MTUS2: variants seen among roughly 807,000 people sequenced by gnomAD.
MTUS2 encodes microtubule associated scaffold protein 2.
In MTUS2, 40 loss-of-function variants were observed where a neutral mutation model predicts 114.1. That is an observed-to-expected ratio of 0.35 (90% CI 0.27 to 0.46). The LOEUF is 0.46. MTUS2 is among the 20% of genes least tolerant of loss of function. MTUS2 has a pLI of 1.00. For synonymous variants in MTUS2, 688 were observed against 672.0 expected (o/e 1.02, Z -0.37); for missense variants, 1,679 against 1,705.4 (o/e 0.98, Z 0.27).
chr13:29,235,313 G>C (rs1028508503), intron 5 of MTUS2, among the ~76,000 whole-genome samples: 2 of 152,036 alleles, frequency 1.3e-5, no homozygotes, highest in Non-Finnish European at 2.9e-5. Context: ...GGCTAATCTC[G>C]ATCTCCTGAC....
intron 4 of MTUS2, among the ~76,000 whole-genome samples, chr13:29,068,615 C>T (rs188159395): frequency 3.1e-4 from 47 of 152,244 alleles, no homozygotes; most frequent in African/African-American, 1.1e-3. Flanking sequence ...GAGATCAGAA[C>T]ATTGGAGATG....
chr13:29,191,018 G>A (rs532914485), intron 5 of MTUS2, among the ~76,000 whole-genome samples: 3 of 152,224 alleles, frequency 2.0e-5, no homozygotes, highest in South Asian at 2.1e-4. Context: ...AGAAGTGAGC[G>A]GCGTTACCTT....
chr13:28,894,640 A>G (rs754704984), intron 2 of MTUS2, among the ~76,000 whole-genome samples: 2 of 152,228 alleles, frequency 1.3e-5, no homozygotes, highest in African/African-American at 2.4e-5. Flanking sequence ...TCATGTGTTT[A>G]TTACATAGAA....
rs1882609685 is a variant in MTUS2, at chr13:29,497,244, G to A, written c.3586G>A (p.Val1196Met). ...CTTGTATCATTACTTGCAGGACCAGGTGGACACGCTGACCTTCCAGAGCCA... is the reference window on the plus strand; with the variant it reads ...CTTGTATCATTACTTGCAGGACCAGATGGACACGCTGACCTTCCAGAGCCA... Reference protein sequence around the residue: ...EKLRLSLQDQVDTLTFQSQSL... With the variant: ...EKLRLSLQDQMDTLTFQSQSL... Residue 1196 changes from valine (V) to methionine (M), a missense_variant, in exon 13 of 16, where the codon GTG (valine) becomes ATG (methionine). Val to Met is a conservative substitution (Grantham distance 21, BLOSUM62 1). This residue lies in a region of MTUS2 where 822 missense variants were observed against 899.7 expected (regional missense o/e 0.91). Coordinates refer to ENST00000612955, the MANE Select transcript of MTUS2 (RefSeq NM_001033602.4). The A allele has an allele frequency of 1.2e-6, 2 of 1,611,982 alleles. No individual in the cohort carries two copies. Among genetic ancestry groups the A allele is most frequent in the South Asian group, 2.2e-5 (2 of 90,966 alleles).
chr13:29,195,959 G>C (rs1894679431), intron 5 of MTUS2, among the ~76,000 whole-genome samples: 1 of 152,150 alleles, frequency 6.6e-6, no homozygotes, highest in Non-Finnish European at 1.5e-5. Context: ...TTTGAAGAAG[G>C]ACTGATGCGA....
At chr13:29,459,933 C>T (rs1359858460) in intron 9 of MTUS2, among the ~76,000 whole-genome samples, 1 of 152,198 alleles carries the variant, frequency 6.6e-6, no homozygotes. Flanking sequence ...CTCCACCAAC[C>T]TCCCCAGGCT....
At position 29,497,224 on chromosome 13, in the gene MTUS2, A is replaced by T. The variant is rs1362938837; in HGVS notation, c.3580-14A>T. On this transcript the variant is annotated splice_polypyrimidine_tract_variant and intron_variant, in intron 12 of 15. Transcript: ENST00000612955. ...TAGTGGCCCCAGCTGGACTCCTTGT[A>T]TCATTACTTGCAGGACCAGGTGGAC... 6.2e-7 allele frequency: 1 copy of T among 1,610,768 alleles called. No individual in the cohort carries two copies. The highest frequency in any genetic ancestry group is 8.5e-7 in the Non-Finnish European group (1 of 1,178,772).
At position 29,480,087 on chromosome 13, in the gene MTUS2, C is replaced by T; in HGVS notation, c.3185-63C>T. On this transcript the variant is annotated intron_variant, in intron 9 of 15. Transcript: ENST00000612955. This position sits in a 1 kb window ranked among gnomAD's most constrained non-coding sequence, Gnocchi z 4.4. ...AGCCTTGATGATCTGACCATGGAGGCTGAGTCCTTCCCATGCCTCCTACGG... is the reference window on the plus strand; with the variant it reads ...AGCCTTGATGATCTGACCATGGAGGTTGAGTCCTTCCCATGCCTCCTACGG... 6.6e-7 allele frequency: 1 copy of T among 1,503,966 alleles called. No individual in the cohort carries two copies. The highest frequency in any genetic ancestry group is 9.0e-7 in the Non-Finnish European group (1 of 1,108,016). The allele number at this position is 1,503,966 out of a possible 1,614,324, so 93.2% of individuals were successfully genotyped here. A position where few individuals can be genotyped will look rare whatever the true frequency, so the allele number is the denominator to read the frequency against.
intron 5 of MTUS2, among the ~76,000 whole-genome samples, chr13:29,110,935 G>A (rs1378976696): frequency 6.6e-6 from 1 of 152,186 alleles, no homozygotes; most frequent in East Asian, 1.9e-4. Context: ...TGTATAATAT[G>A]CATAAACCCA....
chr13:28,900,088 A>G (rs537278431), intron 2 of MTUS2, among the ~76,000 whole-genome samples: 4 of 152,058 alleles, frequency 2.6e-5, no homozygotes, highest in East Asian at 3.9e-4. Context: ...GGGTTTCACC[A>G]TGTCGGCCAG....
At chr13:29,332,040 A>ATAT (rs1900804400) in intron 7 of MTUS2, among the ~76,000 whole-genome samples, 1 of 152,024 alleles carries the variant, frequency 6.6e-6, no homozygotes, top group Non-Finnish European at 1.5e-5. Flanking sequence ...TGTGTCTCTG[A>ATAT]CAGGTTTTGA....
At chr13:29,262,928 G>T (rs2139470401) in intron 5 of MTUS2, among the ~76,000 whole-genome samples, 1 of 152,152 alleles carries the variant, frequency 6.6e-6, no homozygotes. Context: ...TGGTACTGAT[G>T]GTGTCAGCTA....
At chr13:29,464,445 C>T (rs1252494359) in intron 9 of MTUS2, among the ~76,000 whole-genome samples, 2 of 152,160 alleles carry the variant, frequency 1.3e-5, no homozygotes, top group Non-Finnish European at 2.9e-5. Context: ...CTGGGCAGGT[C>T]CCTGTAATCA....
At chr13:29,091,312 T>G (rs1377028217) in intron 4 of MTUS2, among the ~76,000 whole-genome samples, 6 of 151,898 alleles carry the variant, frequency 4.0e-5, no homozygotes, top group African/African-American at 1.5e-4. Flanking sequence ...ACAAGTAGAG[T>G]CTGAATTAAC....
chr13:29,075,136 C>T (rs1168315083), intron 4 of MTUS2, among the ~76,000 whole-genome samples: 1 of 152,186 alleles, frequency 6.6e-6, no homozygotes, highest in Non-Finnish European at 1.5e-5. Flanking sequence ...GCTTCTTTCA[C>T]TTGCCTTAAT....
At chr13:29,106,750 C>A (rs9579290) in intron 5 of MTUS2, among the ~76,000 whole-genome samples, 71,151 of 151,744 alleles carry the variant, frequency 0.47, 17,136 homozygotes, top group Non-Finnish European at 0.51. Flanking sequence ...TCTTCTCTCT[C>A]CTCATCTCTG....
At chr13:28,980,655 G>A (rs1158022124) in intron 2 of MTUS2, among the ~76,000 whole-genome samples, 1 of 152,198 alleles carries the variant, frequency 6.6e-6, no homozygotes, top group East Asian at 1.9e-4. Context: ...ACACTGCTGT[G>A]ATATTTTATA....
At position 29,503,973 on chromosome 13, in the gene MTUS2, T is replaced by C. The variant is rs1770483488; in HGVS notation, c.*767T>C. 4.3e-6 allele frequency: 1 copy of C among 231,686 alleles called. No homozygotes were observed. Among genetic ancestry groups the C allele is most frequent in the Non-Finnish European group, 8.5e-6 (1 of 117,126 alleles). 14.4% of individuals were successfully genotyped at this position (231,686 alleles called of 1,614,324 possible). A position where few individuals can be genotyped will look rare whatever the true frequency, so the allele number is the denominator to read the frequency against. ...GAAACCCTAAGGGGGTTTAGCAGTTTTGCAGATGTTACCCATGACAGTGAC... is the reference window on the plus strand; with the variant it reads ...GAAACCCTAAGGGGGTTTAGCAGTTCTGCAGATGTTACCCATGACAGTGAC... On this transcript the variant is annotated 3_prime_UTR_variant, in exon 16 of 16. Transcript: ENST00000612955.
intron 5 of MTUS2, among the ~76,000 whole-genome samples, chr13:29,261,272 T>A (rs1897461898): frequency 1.3e-5 from 2 of 152,202 alleles, no homozygotes; most frequent in South Asian, 4.1e-4. Flanking sequence ...AGAAGCTAAG[T>A]CAAAGGATTC....
Sources: allele counts gnomAD v4.1 joint callset (sites outside exome capture counted in the v4.1 genomes callset), GRCh38; gene constraint gnomAD v4.1.1; regional missense constraint gnomAD v4.1.1; non-coding constraint Gnocchi (gnomAD v3.1); transcripts MANE v1.5; gene names NCBI Gene and HGNC (gene_info 2026-07-23, HGNC 2026-07-21).